Variants in OLFM3 observed in about 807,000 individuals in gnomAD.
The protein encoded by OLFM3 is olfactomedin 3.
A neutral mutation model predicts 48.6 loss-of-function variants in OLFM3; 20 were observed. The ratio of observed to expected loss-of-function variants is 0.41; its 90% CI spans 0.29 to 0.60. The LOEUF is 0.60. Ranked by LOEUF, OLFM3 falls within the 20% of genes least tolerant of loss-of-function variation. The pLI is 0.28. For missense variants in OLFM3, 437 were observed against 544.3 expected, an observed-to-expected ratio of 0.80 and a Z score of 1.96; for synonymous variants, 222 against 198.1, an observed-to-expected ratio of 1.12 and a Z score of -1.01.
At chr1:101,892,291 C>G (rs1405436778) in intron 1 of OLFM3, among the ~76,000 whole-genome samples, 2 of 151,928 alleles carry the variant, frequency 1.3e-5, no homozygotes, top group South Asian at 4.2e-4. Flanking sequence ...CTTTTGTATT[C>G]TCCATAAACC....
intron 1 of OLFM3, among the ~76,000 whole-genome samples, chr1:101,874,490 T>TAATA (rs1553175723): frequency 6.7e-6 from 1 of 149,746 alleles, no homozygotes; most frequent in African/African-American, 2.4e-5. Context: ...ATTCTAATAA[T>TAATA]ATAATAATAA....
chr1:101,937,736 A>C (rs1659667134), intron 1 of OLFM3, among the ~76,000 whole-genome samples: 2 of 152,330 alleles, frequency 1.3e-5, no homozygotes, highest in Non-Finnish European at 2.9e-5. Context: ...CTAATACATC[A>C]GATATACCAA....
At chr1:101,977,198 C>A (rs1660980016) in intron 1 of OLFM3, among the ~76,000 whole-genome samples, 1 of 152,120 alleles carries the variant, frequency 6.6e-6, no homozygotes, top group Non-Finnish European at 1.5e-5. Context: ...TTGGAGATTA[C>A]AATCAACACT....
chr1:101,898,256 G>A (rs1481082061), intron 1 of OLFM3, among the ~76,000 whole-genome samples: 2 of 152,084 alleles, frequency 1.3e-5, no homozygotes, highest in Non-Finnish European at 2.9e-5. Context: ...TATCTGAGTT[G>A]GGTAATATAA....
intron 1 of OLFM3, among the ~76,000 whole-genome samples, chr1:101,975,590 T>A (rs986628318): frequency 6.6e-6 from 1 of 152,170 alleles, no homozygotes; most frequent in Non-Finnish European, 1.5e-5. Context: ...ATAAAAATAG[T>A]CTTATTGCAG....
At chr1:101,990,046 A>G (rs1342326754) in intron 1 of OLFM3, among the ~76,000 whole-genome samples, 1 of 152,220 alleles carries the variant, frequency 6.6e-6, no homozygotes, top group Non-Finnish European at 1.5e-5. Context: ...GTTTAAATAT[A>G]TCTTTCCCCT....
At chr1:101,826,173 C>G (rs1654856633) in intron 3 of OLFM3, among the ~76,000 whole-genome samples, 1 of 147,282 alleles carries the variant, frequency 6.8e-6, no homozygotes, top group Non-Finnish European at 1.5e-5. Context: ...CACACACACA[C>G]ACAGTGTATG....
At chr1:101,925,436 C>G (rs948000248) in intron 1 of OLFM3, among the ~76,000 whole-genome samples, 3 of 151,538 alleles carry the variant, frequency 2.0e-5, no homozygotes, top group Non-Finnish European at 4.4e-5. Context: ...GTACTTAGTT[C>G]TACCATAGTA....
chr1:101,982,616 G>C (rs1173056704), intron 1 of OLFM3, among the ~76,000 whole-genome samples: 1 of 152,178 alleles, frequency 6.6e-6, no homozygotes, highest in African/African-American at 2.4e-5. Flanking sequence ...TCCCTAATGT[G>C]TGTGGGCCTC....
chr1:101,831,008 G>A (rs1194750106), intron 2 of OLFM3, among the ~76,000 whole-genome samples, 181 bp from the exon 3 acceptor site: 1 of 152,154 alleles, frequency 6.6e-6, no homozygotes, highest in East Asian at 1.9e-4. Flanking sequence ...AATTCAGCAA[G>A]AGAAAATTAT....
chr1:101,879,197 C>G (rs1657418436), intron 1 of OLFM3, among the ~76,000 whole-genome samples: 1 of 151,552 alleles, frequency 6.6e-6, no homozygotes, highest in African/African-American at 2.4e-5. Flanking sequence ...TTGCTTAAAG[C>G]ACAGGAAACA....
intron 1 of OLFM3, among the ~76,000 whole-genome samples, chr1:101,977,981 G>A (rs1268999735): frequency 1.3e-5 from 2 of 152,210 alleles, no homozygotes; most frequent in African/African-American, 4.8e-5. Context: ...AACTGAATAA[G>A]TAGCATCAGG....
intron 1 of OLFM3, among the ~76,000 whole-genome samples, chr1:101,939,221 G>C (rs1302149609): frequency 1.3e-5 from 2 of 152,078 alleles, no homozygotes; most frequent in African/African-American, 4.8e-5. Flanking sequence ...AACTAACGTC[G>C]CTTGCGTTTC....
At chr1:101,906,540 T>C (rs1658556989) in intron 1 of OLFM3, among the ~76,000 whole-genome samples, 1 of 152,178 alleles carries the variant, frequency 6.6e-6, no homozygotes, top group Non-Finnish European at 1.5e-5. Flanking sequence ...CTTAAGTTCC[T>C]TTGATTTTAG....
intron 1 of OLFM3, among the ~76,000 whole-genome samples, chr1:101,877,363 A>C (rs1657342738): frequency 6.6e-6 from 1 of 151,960 alleles, no homozygotes; most frequent in Admixed American, 6.6e-5. Context: ...TTGTACCTTG[A>C]CTACTATTTT....
intron 1 of OLFM3, among the ~76,000 whole-genome samples, chr1:101,868,963 A>G (rs976836998): frequency 1.3e-5 from 2 of 152,192 alleles, no homozygotes; most frequent in African/African-American, 2.4e-5. Flanking sequence ...GGGAACCCCT[A>G]CCTGGATTTC....
At chr1:101,991,009 AAAAAAAAATAT>A (rs1661386105) in intron 1 of OLFM3, among the ~76,000 whole-genome samples, 5 of 103,070 alleles carry the variant, frequency 4.9e-5, no homozygotes, top group Non-Finnish European at 1.0e-4. Flanking sequence ...AAAAAAAAAA[AAAAAAAAATAT>A]ATATATATAT....
At position 101,829,854 on chromosome 1, in the gene OLFM3, A is replaced by G. The variant is rs544174788; in HGVS notation, c.372+818T>C. 2.4e-5 allele frequency among the ~76,000 whole-genome samples: 3 copies of G among 126,182 alleles called. No individual in the cohort carries two copies. In the South Asian group the frequency reaches 7.4e-4, roughly 31 times the overall value. 82.8% of individuals were successfully genotyped at this position (126,182 alleles called of 152,430 possible). ...GTTTTTTCTTTTCTTTTTTTTTTTG[A>G]GACGGAGTCTCTCTCTGTTGCCCAG... On this transcript the variant is annotated intron_variant, in intron 3 of 5. Coordinates refer to ENST00000370103, the MANE Select transcript of OLFM3 (RefSeq NM_058170.4).
chr1:101,981,045 A>G (rs1661092455), intron 1 of OLFM3, among the ~76,000 whole-genome samples: 1 of 152,144 alleles, frequency 6.6e-6, no homozygotes, highest in Admixed American at 6.5e-5. Context: ...TTCTTCTCTG[A>G]ACACTCAGCT....
Sources: allele counts gnomAD v4.1 joint callset (sites outside exome capture counted in the v4.1 genomes callset), GRCh38; gene constraint gnomAD v4.1.1; transcripts MANE v1.5; gene names NCBI Gene and HGNC (gene_info 2026-07-23, HGNC 2026-07-21).